XRN1: variants seen among roughly 807,000 people sequenced by gnomAD.
XRN1 encodes 5'-3' exoribonuclease 1.
A neutral mutation model predicts 222.3 loss-of-function variants in XRN1; 67 were observed. The observed-to-expected ratio is 0.30, with a 90% CI of 0.25 to 0.37. XRN1 has a LOEUF of 0.37. Among genes scored for constraint, XRN1 ranks in the 10% least tolerant of loss-of-function variants. XRN1 has a pLI of 1.00. For missense variants in XRN1, 1,707 were observed against 2,000.2 expected (o/e 0.85, Z 2.80); for synonymous variants, 643 against 652.4 (o/e 0.99, Z 0.22).
intron 25 of XRN1, among the ~76,000 whole-genome samples, chr3:142,373,268 A>G (rs2067040805): frequency 6.6e-6 from 1 of 152,058 alleles, no homozygotes; most frequent in African/African-American, 2.4e-5. Flanking sequence ...TTAAATGATA[A>G]ACAATAAAGT....
intron 19 of XRN1, among the ~76,000 whole-genome samples, chr3:142,398,456 T>C (rs749607563): frequency 1.3e-5 from 2 of 151,756 alleles, no homozygotes; most frequent in Non-Finnish European, 1.5e-5. Context: ...AGCCTCAAAC[T>C]TCTGGGCTCA....
At chr3:142,332,590 T>C in intron 35 of XRN1, 56 bp from the exon 36 acceptor site, 1 of 1,464,192 alleles carries the variant, frequency 6.8e-7, no homozygotes, top group Non-Finnish European at 9.3e-7. Context: ...AAAGTCAACA[T>C]TACATCTGTA....
At position 142,318,783 on chromosome 3, in the gene XRN1, T is replaced by C; in HGVS notation, c.4518+7A>G. 2.5e-6 allele frequency: 4 copies of C among 1,613,798 alleles called. No individual in the cohort carries two copies. The highest frequency in any genetic ancestry group is 3.4e-6 in the Non-Finnish European group (4 of 1,179,784). ...ATTTTAATAGAGAAGTCATGGACAG[T>C]TCTTACCAACTGTTGTAAAGCAAAA... On this transcript the variant is annotated splice_region_variant and intron_variant, in intron 38 of 40. Coordinates refer to ENST00000392981, the MANE Select transcript of XRN1 (RefSeq NM_001282857.2).
intron 40 of XRN1, among the ~76,000 whole-genome samples, chr3:142,312,099 A>C (rs1002614408): frequency 2.6e-5 from 4 of 151,882 alleles, no homozygotes; most frequent in Admixed American, 2.6e-4. Flanking sequence ...CCATGGCAAA[A>C]CCCCATCTCT....
chr3:142,405,445 G>A (rs6440083), intron 15 of XRN1, among the ~76,000 whole-genome samples: 116,839 of 152,066 alleles, frequency 0.77, 46,005 homozygotes, highest in African/African-American at 0.94. Context: ...GTAGTATAGT[G>A]ATGTCCATCT....
intron 21 of XRN1, 86 bp from the exon 22 acceptor site, chr3:142,383,499 T>A: frequency 5.5e-6 from 6 of 1,085,828 alleles, no homozygotes; most frequent in Non-Finnish European, 8.0e-6. Context: ...ATGACTATGC[T>A]GTTTGCAAAT....
At chr3:142,404,139 AT>A (rs1577373600) in intron 16 of XRN1, 150 bp from the exon 17 acceptor site, 1 of 670,334 alleles carries the variant, frequency 1.5e-6, no homozygotes, top group East Asian at 2.8e-5. Flanking sequence ...ACACAAGCAG[AT>A]AACCAGCCTC....
At chr3:142,358,060 A>C (rs909814591) in intron 30 of XRN1, among the ~76,000 whole-genome samples, 25 of 151,958 alleles carry the variant, frequency 1.6e-4, no homozygotes, top group East Asian at 3.9e-4. Flanking sequence ...ACAACAACAA[A>C]AACAAAAACA....
chr3:142,379,152 T>C (rs1559831615), intron 23 of XRN1, among the ~76,000 whole-genome samples: 1 of 151,218 alleles, frequency 6.6e-6, no homozygotes, highest in African/African-American at 2.4e-5. Context: ...GTGCCTGTAA[T>C]CCCAGCTACT....
chr3:142,377,017 T>C (rs2067164596), intron 23 of XRN1, among the ~76,000 whole-genome samples: 1 of 151,988 alleles, frequency 6.6e-6, no homozygotes, highest in African/African-American at 2.4e-5. Flanking sequence ...TTACATTGAA[T>C]TAAAAAATAG....
chr3:142,314,073 T>A (rs2065144751), intron 39 of XRN1, among the ~76,000 whole-genome samples: 1 of 152,216 alleles, frequency 6.6e-6, no homozygotes, highest in Non-Finnish European at 1.5e-5. Context: ...TAAATCACTG[T>A]TACAAATATG....
At chr3:142,344,655 G>A (rs374385153) in intron 33 of XRN1, among the ~76,000 whole-genome samples, 3 of 151,996 alleles carry the variant, frequency 2.0e-5, no homozygotes, top group East Asian at 1.9e-4. Flanking sequence ...ATTGAAAAAA[G>A]CATGAAAAAG....
chr3:142,421,584 AT>A (rs558465910), intron 8 of XRN1, 41 bp from the exon 9 acceptor site: 967 of 1,418,078 alleles, frequency 6.8e-4, no homozygotes, highest in Non-Finnish European at 8.7e-4. Flanking sequence ...AAAAGCTGAC[AT>A]TTTTTCTAAA....
At chr3:142,381,563 CTTTT>C (rs766961502) in intron 22 of XRN1, among the ~76,000 whole-genome samples, 1 of 84,250 alleles carries the variant, frequency 1.2e-5, no homozygotes, top group Non-Finnish European at 2.5e-5. Flanking sequence ...TAAGTTATTG[CTTTT>C]TTTTTTTTTT....
At chr3:142,316,542 C>T (rs1325788043) in intron 39 of XRN1, among the ~76,000 whole-genome samples, 1 of 152,112 alleles carries the variant, frequency 6.6e-6, no homozygotes, top group Admixed American at 6.6e-5. Flanking sequence ...TCTCTATACC[C>T]ATCCTTAATG....
intron 19 of XRN1, among the ~76,000 whole-genome samples, chr3:142,399,554 G>A (rs2068050191): frequency 6.6e-6 from 1 of 151,826 alleles, no homozygotes; most frequent in Non-Finnish European, 1.5e-5. Flanking sequence ...TCTTAGACAT[G>A]ACACCAAAAG....
intron 29 of XRN1, among the ~76,000 whole-genome samples, chr3:142,362,383 G>C (rs1414297791): frequency 6.6e-6 from 1 of 152,048 alleles, no homozygotes; most frequent in Non-Finnish European, 1.5e-5. Context: ...TGAGCCGCCC[G>C]CCTTGGCTTC....
At chr3:142,344,097 G>A (rs1014932741) in intron 33 of XRN1, among the ~76,000 whole-genome samples, 2 of 150,804 alleles carry the variant, frequency 1.3e-5, no homozygotes, top group Non-Finnish European at 2.9e-5. Context: ...GAAGAGTAGT[G>A]GGGGGGAGGG....
intron 2 of XRN1, among the ~76,000 whole-genome samples, chr3:142,427,527 A>G (rs56088529): frequency 0.13 from 19,895 of 152,170 alleles, 1,325 homozygotes; most frequent in African/African-American, 0.14. Flanking sequence ...AATGATCTTA[A>G]TCATCATTTA....
Sources: allele counts gnomAD v4.1 joint callset (sites outside exome capture counted in the v4.1 genomes callset), GRCh38; gene constraint gnomAD v4.1.1; transcripts MANE v1.5; gene names NCBI Gene and HGNC (gene_info 2026-07-23, HGNC 2026-07-21).